ARMC2: variants seen among roughly 807,000 people sequenced by gnomAD.
The protein encoded by ARMC2 is armadillo repeat-containing protein 2.
A neutral mutation model predicts 90.3 loss-of-function variants in ARMC2; 67 were observed. The observed-to-expected ratio is 0.74, with a 90% CI of 0.61 to 0.91. The LOEUF is 0.91. ARMC2 is among the 40% of genes least tolerant of loss of function. The pLI is 0.00. For synonymous variants in ARMC2, 393 were observed against 393.0 expected (o/e 1.00, Z 0.00); for missense variants, 920 against 1,030.9 (o/e 0.89, Z 1.47).
the ARMC2 span, among the ~76,000 whole-genome samples, chr6:109,003,215 T>C: frequency 3.3e-5 from 5 of 151,628 alleles, no homozygotes; most frequent in Admixed American, 2.6e-4. Context: ...CATTTAAAAA[T>C]TTTTTTTAGA....
chr6:108,888,698 G>A (rs1770636111), intron 5 of ARMC2, among the ~76,000 whole-genome samples: 1 of 152,102 alleles, frequency 6.6e-6, no homozygotes, highest in Non-Finnish European at 1.5e-5. Context: ...CTATGGCTGT[G>A]TGGAAACCCT....
chr6:108,991,177 T>G, the ARMC2 span, among the ~76,000 whole-genome samples: 1 of 151,802 alleles, frequency 6.6e-6, no homozygotes, highest in Non-Finnish European at 1.5e-5. Context: ...AGCTTGGGAG[T>G]CCCCTCTCCT....
chr6:108,898,109 G>A (rs566221110), intron 6 of ARMC2, among the ~76,000 whole-genome samples: 6 of 152,268 alleles, frequency 3.9e-5, no homozygotes, highest in Admixed American at 3.3e-4. Flanking sequence ...CATAGTCAAC[G>A]AGCTAGTAGG....
At chr6:108,922,786 A>G (rs1346017464) in intron 10 of ARMC2, among the ~76,000 whole-genome samples, 1 of 152,156 alleles carries the variant, frequency 6.6e-6, no homozygotes, top group Non-Finnish European at 1.5e-5. Context: ...TAATTTGGGG[A>G]ACATGGAAAG....
At chr6:108,873,137 T>C (rs1256163869) in intron 4 of ARMC2, among the ~76,000 whole-genome samples, 1 of 152,234 alleles carries the variant, frequency 6.6e-6, no homozygotes, top group Non-Finnish European at 1.5e-5. Context: ...TCCTCCGTTT[T>C]GTATTGTAGC....
chr6:108,970,745 G>T (rs1208149022), intron 17 of ARMC2, among the ~76,000 whole-genome samples: 1 of 151,670 alleles, frequency 6.6e-6, no homozygotes, highest in African/African-American at 2.4e-5. Context: ...TGATCCACCT[G>T]CCTCAGCCTC....
intron 4 of ARMC2, 120 bp from the exon 5 acceptor site, chr6:108,876,023 A>G: frequency 2.2e-6 from 2 of 914,908 alleles, no homozygotes; most frequent in Non-Finnish European, 3.3e-6. Context: ...TCCAGACTTA[A>G]TTATAAGCAA....
chr6:109,035,504 G>A, the ARMC2 span, among the ~76,000 whole-genome samples: 1 of 151,582 alleles, frequency 6.6e-6, no homozygotes, highest in South Asian at 2.1e-4. Context: ...AAGGTGTTCA[G>A]GACTCTTGGG....
chr6:109,021,229 C>T, the ARMC2 span, among the ~76,000 whole-genome samples: 3 of 152,048 alleles, frequency 2.0e-5, no homozygotes, highest in Admixed American at 6.6e-5. Context: ...AGTGAACTCC[C>T]GCCTCAGCCT....
At chr6:108,870,499 G>A (rs756999576) in intron 4 of ARMC2, among the ~76,000 whole-genome samples, 27 of 150,502 alleles carry the variant, frequency 1.8e-4, no homozygotes, top group Non-Finnish European at 4.0e-4. Flanking sequence ...AAGAAAGAAA[G>A]AGAGAGAGAA....
chr6:108,951,740 C>T (rs1019343401), intron 12 of ARMC2, among the ~76,000 whole-genome samples: 2 of 152,272 alleles, frequency 1.3e-5, no homozygotes, highest in African/African-American at 4.8e-5. Flanking sequence ...CCTGGACATG[C>T]GCTCCTCGAT....
chr6:108,899,828 GT>G (rs374345051), intron 7 of ARMC2, 36 bp downstream of exon 7: 628 of 1,410,004 alleles, frequency 4.5e-4, no homozygotes, highest in Admixed American at 8.7e-4. Context: ...AACCGTTTTT[GT>G]TTTTTTTTTA....
chr6:109,009,209 G>T, the ARMC2 span: 1 of 823,532 alleles, frequency 1.2e-6, no homozygotes, highest in Non-Finnish European at 1.7e-6. Flanking sequence ...GCTGCTCCCC[G>T]GGAGCCCGCC....
chr6:108,990,743 G>GT, the ARMC2 span: 1 of 1,614,024 alleles, frequency 6.2e-7, no homozygotes, highest in Non-Finnish European at 8.5e-7. Flanking sequence ...AAGTAAGATT[G>GT]TAAGCAATGT....
At chr6:109,000,376 T>C in the ARMC2 span, 9 of 722,066 alleles carry the variant, frequency 1.2e-5, no homozygotes, top group Non-Finnish European at 1.9e-5. Context: ...TGGGAAGAGA[T>C]TCAGGGGGTA....
At chr6:108,894,052 C>T (rs1041381143) in intron 5 of ARMC2, among the ~76,000 whole-genome samples, 1 of 152,090 alleles carries the variant, frequency 6.6e-6, no homozygotes, top group Admixed American at 6.6e-5. Context: ...ATCTTTTAAA[C>T]AATTCTCGAT....
chr6:108,953,309 G>T lies in ARMC2; in HGVS notation c.1873G>T (p.Ala625Ser), dbSNP rs772858792. 6.2e-7 allele frequency: 1 copy of T among 1,609,786 alleles called. No individual in the cohort carries two copies. Among genetic ancestry groups the T allele is most frequent in the Non-Finnish European group, 8.5e-7 (1 of 1,179,348 alleles). ...AIHPGVGPVL[A>S]ANPGIVGLLL... The stretch of plus-strand genomic sequence containing the variant: ...CCACCCGGGCGTGGGCCCGGTGCTG[G>T]CCGCCAACCCGGGGATAGTGGGCCT... Residue 625 changes from alanine (A) to serine (S), a missense_variant, in exon 13 of 18, where the codon GCC becomes TCC. Physicochemically the swap from Ala to Ser is moderately conservative, Grantham distance 99 (BLOSUM62 1). Coordinates refer to ENST00000392644, the MANE Select transcript of ARMC2 (RefSeq NM_032131.6).
intron 10 of ARMC2, among the ~76,000 whole-genome samples, chr6:108,919,359 A>G (rs13219800): frequency 0.26 from 39,678 of 152,098 alleles, 6,485 homozygotes; most frequent in Non-Finnish European, 0.35. Flanking sequence ...GCGCGACCCC[A>G]CCTATTGGAA....
chr6:108,961,704 A>T lies in ARMC2; in HGVS notation c.2038+10A>T, dbSNP rs1169349253. On this transcript the variant is annotated intron_variant, in intron 14 of 17. Transcript: ENST00000392644. ...CTATATATTGCTGAATGTAAGGTTC[A>T]GAGTTGGATTTGGATAAATGAGTGC... 10 of 1,585,054 alleles carry T rather than the reference A, an allele frequency of 6.3e-6. No homozygotes were observed. The Admixed American group carries it at 1.8e-4, about 28-fold the overall frequency.
Sources: allele counts gnomAD v4.1 joint callset (sites outside exome capture counted in the v4.1 genomes callset), GRCh38; gene constraint gnomAD v4.1.1; transcripts MANE v1.5; gene names NCBI Gene and HGNC (gene_info 2026-07-23, HGNC 2026-07-21).